Variants in DIAPH2 observed in about 807,000 individuals in gnomAD.
DIAPH2 encodes the protein protein diaphanous homolog 2.
In DIAPH2, 35 loss-of-function variants were observed where a neutral mutation model predicts 92.7. The ratio of observed to expected loss-of-function variants is 0.38; its 90% CI spans 0.29 to 0.50. The LOEUF is 0.50. Ranked by LOEUF, DIAPH2 falls within the 20% of genes least tolerant of loss-of-function variation. DIAPH2 has a pLI of 0.94. For synonymous variants in DIAPH2, 301 were observed against 280.4 expected, an observed-to-expected ratio of 1.07 and a Z score of -0.73; for missense variants, 701 against 819.5, an observed-to-expected ratio of 0.86 and a Z score of 1.77.
intron 26 of DIAPH2, among the ~76,000 whole-genome samples, chrX:97,536,404 A>T (rs917993835): frequency 1.1e-4 from 12 of 112,217 alleles, no homozygotes; most frequent in Admixed American, 9.4e-5. Context: ...TAAATTTTTT[A>T]AAAATTCTAT....
At chrX:96,782,025 G>T in intron 4 of DIAPH2, among the ~76,000 whole-genome samples, 1 of 112,037 alleles carries the variant, frequency 8.9e-6, no homozygotes, top group Non-Finnish European at 1.9e-5. Context: ...CATTTCAAAG[G>T]TGTGAATCTT....
chrX:97,531,279 C>T (rs1266230325), intron 26 of DIAPH2, among the ~76,000 whole-genome samples: 2 of 110,830 alleles, frequency 1.8e-5, no homozygotes, highest in Non-Finnish European at 3.8e-5. Context: ...CTTCCTTTTC[C>T]ACTACTATTT....
At chrX:97,516,773 G>T (rs1203001521) in intron 26 of DIAPH2, among the ~76,000 whole-genome samples, 1 of 111,996 alleles carries the variant, frequency 8.9e-6, no homozygotes, top group Non-Finnish European at 1.9e-5. Flanking sequence ...CCAGGCTGGA[G>T]GGCAGTGGTG....
intron 23 of DIAPH2, among the ~76,000 whole-genome samples, chrX:97,345,419 G>A: frequency 9.0e-6 from 1 of 111,698 alleles, no homozygotes; most frequent in East Asian, 2.8e-4. Flanking sequence ...TTCCAGAAAT[G>A]GTCTGATTTC....
chrX:97,199,380 A>C (rs771927378), intron 22 of DIAPH2, among the ~76,000 whole-genome samples: 1 of 111,271 alleles, frequency 9.0e-6, no homozygotes, highest in Admixed American at 9.6e-5. Flanking sequence ...ATGTACATGT[A>C]CACATGTATA....
intron 22 of DIAPH2, among the ~76,000 whole-genome samples, chrX:97,217,140 A>G (rs902038997): frequency 5.4e-5 from 6 of 112,069 alleles, no homozygotes; most frequent in African/African-American, 1.9e-4. Context: ...CCAAGTTGCA[A>G]TAAAAAGAGC....
chrX:96,930,982 G>A, intron 10 of DIAPH2, 139 bp downstream of exon 10: 1 of 608,626 alleles, frequency 1.6e-6, no homozygotes, highest in South Asian at 4.8e-5. Flanking sequence ...AAGCTTTTTT[G>A]TATTCCAGTA....
chrX:97,045,207 G>A (rs1413957274), intron 17 of DIAPH2, among the ~76,000 whole-genome samples: 1 of 112,107 alleles, frequency 8.9e-6, no homozygotes, highest in African/African-American at 3.2e-5. Context: ...TAATTATTTG[G>A]CCTAAGCAAC....
At chrX:97,384,307 G>A (rs1275435061) in intron 25 of DIAPH2, among the ~76,000 whole-genome samples, 1 of 111,466 alleles carries the variant, frequency 9.0e-6, no homozygotes, top group Admixed American at 9.6e-5. Flanking sequence ...ATTATATTCT[G>A]GATGAGGCAG....
chrX:96,918,775 T>C lies in DIAPH2; in HGVS notation c.978+158T>C, dbSNP rs1017874270. Among the ~76,000 whole-genome samples the C allele has an allele frequency of 6.2e-5, 7 of 112,085 alleles. No homozygotes were observed. The Admixed American group carries it at 6.6e-4, about 11-fold the overall frequency. On this transcript the variant is annotated intron_variant, in intron 9 of 26. Transcript: ENST00000324765. Reference sequence around the variant, plus strand: ...GTGAGAATTGCAATTTGTTTAAAATTAGGAAAAATACTTTTGAATTATTAT... The same window carrying C: ...GTGAGAATTGCAATTTGTTTAAAATCAGGAAAAATACTTTTGAATTATTAT...
chrX:96,746,819 G>A (rs994727672), intron 3 of DIAPH2, among the ~76,000 whole-genome samples: 1 of 111,199 alleles, frequency 9.0e-6, no homozygotes, highest in Non-Finnish European at 1.9e-5. Flanking sequence ...AGTGCTGGGG[G>A]TTACACTGTA....
At chrX:96,933,601 TTTTTA>T (rs929797864) in intron 10 of DIAPH2, among the ~76,000 whole-genome samples, 41 of 105,258 alleles carry the variant, frequency 3.9e-4, no homozygotes, top group Middle Eastern at 4.9e-3. Flanking sequence ...GTTTATATTT[TTTTTA>T]TTTTATATTT....
chrX:96,992,195 A>G (rs1260147872), intron 17 of DIAPH2, among the ~76,000 whole-genome samples: 2 of 111,294 alleles, frequency 1.8e-5, no homozygotes, highest in South Asian at 7.8e-4. Context: ...CTAGCCTGAA[A>G]TGTTAATATG....
chrX:97,497,554 C>T (rs147773699), intron 26 of DIAPH2, among the ~76,000 whole-genome samples: 46 of 109,976 alleles, frequency 4.2e-4, no homozygotes, highest in Middle Eastern at 4.7e-3. Flanking sequence ...GTCTGTAATC[C>T]CAGCACTTTA....
At chrX:97,084,449 C>A (rs1166806168) in intron 19 of DIAPH2, among the ~76,000 whole-genome samples, 1 of 110,993 alleles carries the variant, frequency 9.0e-6, no homozygotes, top group Non-Finnish European at 1.9e-5. Flanking sequence ...GAATAGTCAG[C>A]CCTCAGTTTT....
At chrX:97,160,111 G>T (rs1261882508) in intron 22 of DIAPH2, among the ~76,000 whole-genome samples, 3 of 109,871 alleles carry the variant, frequency 2.7e-5, no homozygotes. Flanking sequence ...GGGGCGGGGT[G>T]GGGGCTGGAA....
chrX:97,206,954 C>T (rs1480560457), intron 22 of DIAPH2, among the ~76,000 whole-genome samples: 1 of 111,044 alleles, frequency 9.0e-6, no homozygotes, highest in African/African-American at 3.3e-5. Flanking sequence ...TACCTTGACT[C>T]TGCTTTCAAA....
intron 17 of DIAPH2, among the ~76,000 whole-genome samples, chrX:96,982,577 G>A (rs1463061547): frequency 8.9e-6 from 1 of 111,906 alleles, no homozygotes; most frequent in Non-Finnish European, 1.9e-5. Context: ...GGTGTGATTA[G>A]GTACCTTTTG....
At chrX:97,479,037 TATTCCAGCA>T (rs2070631193) in intron 26 of DIAPH2, among the ~76,000 whole-genome samples, 1 of 112,004 alleles carries the variant, frequency 8.9e-6, no homozygotes, top group African/African-American at 3.2e-5. Context: ...ACTTGAAAGC[TATTCCAGCA>T]ATTGGTTGTC....
Sources: gnomAD v4.1 joint callset for allele counts (sites outside exome capture counted in the v4.1 genomes callset) on GRCh38, gnomAD v4.1.1 for gene constraint, MANE v1.5 for transcripts, NCBI Gene and HGNC (gene_info 2026-07-23, HGNC 2026-07-21) for gene names.